Variants in IL1R1 observed in about 807,000 individuals in gnomAD.
IL1R1 encodes interleukin-1 receptor type 1.
Under a neutral mutation model 50.2 loss-of-function variants are expected in IL1R1, and 22 were observed. The observed-to-expected ratio is 0.44, with a 90% confidence interval of 0.31 to 0.63. The LOEUF (loss-of-function observed/expected upper bound fraction) is 0.63, where lower values mean the gene tolerates loss of function less well. Among genes scored for constraint, IL1R1 ranks in the 20% least tolerant of loss-of-function variants. IL1R1 has a pLI of 0.07. For missense variants in IL1R1, 509 were observed against 676.2 expected (o/e 0.75, Z 2.74); for synonymous variants, 251 against 236.7 (o/e 1.06, Z -0.55).
chr2:102,171,849 T>C lies in IL1R1; in HGVS notation c.770T>C (p.Ile257Thr). 1 of 1,610,022 alleles carries C rather than the reference T, an allele frequency of 6.2e-7. No homozygotes were observed. Among genetic ancestry groups the C allele is most frequent in the Non-Finnish European group, 8.5e-7 (1 of 1,177,036 alleles). Residue 257 changes from isoleucine to threonine, a missense_variant, in exon 8 of 12, where the codon ATT (isoleucine) becomes ACT (threonine). Transcript: ENST00000410023. ...AATGTCACCGGCCAGTTGAGTGACA[T>C]TGCTTACTGGAAGTGGAATGGGTCA... ...ICNVTGQLSDIAYWKWNGSVI... is the reference protein window; with the variant it reads ...ICNVTGQLSDTAYWKWNGSVI...
intron 1 of IL1R1, among the ~76,000 whole-genome samples, chr2:102,110,188 T>C (rs958593942): frequency 6.6e-6 from 1 of 152,316 alleles, no homozygotes; most frequent in Admixed American, 6.5e-5. Flanking sequence ...GCACTCATAG[T>C]GTGCACCATT....
chr2:102,169,900 C>G (rs1578031656), intron 7 of IL1R1, among the ~76,000 whole-genome samples: 1 of 152,134 alleles, frequency 6.6e-6, no homozygotes, highest in Non-Finnish European at 1.5e-5. Flanking sequence ...CCACAGTTAT[C>G]TTTTATATTT....
At chr2:102,108,973 AATAATAATAATAAT>A in intron 1 of IL1R1, among the ~76,000 whole-genome samples, 1 of 149,788 alleles carries the variant, frequency 6.7e-6, no homozygotes. Context: ...TAATAATAAT[AATAATAATAATAAT>A]AAAAGCTAAT....
chr2:102,130,468 T>C (rs1312005870), intron 1 of IL1R1, among the ~76,000 whole-genome samples: 1 of 152,162 alleles, frequency 6.6e-6, no homozygotes, highest in Non-Finnish European at 1.5e-5. Context: ...CCTCTTTCCT[T>C]GACAGCTGTT....
At chr2:102,128,355 T>C (rs1681840182) in intron 1 of IL1R1, among the ~76,000 whole-genome samples, 1 of 152,262 alleles carries the variant, frequency 6.6e-6, no homozygotes, top group Admixed American at 6.5e-5. Context: ...TCAATACCTC[T>C]ATGGTATTAC....
At chr2:102,140,051 C>G (rs1392410050), upstream of IL1R1, among the ~76,000 whole-genome samples, 2 of 152,200 alleles carry the variant, frequency 1.3e-5, no homozygotes, top group African/African-American at 4.8e-5. Context: ...CTGGTCAACT[C>G]TGTTCCTTGG....
intron 1 of IL1R1, among the ~76,000 whole-genome samples, chr2:102,084,257 T>C (rs1441404889): frequency 2.6e-5 from 4 of 152,204 alleles, no homozygotes; most frequent in African/African-American, 7.2e-5. Flanking sequence ...CCTCCTTGGT[T>C]CCCAGGAATG....
Position 102,165,120 on chromosome 2 carries a change from C to A in IL1R1, c.302C>A (p.Ser101Ter). ...SGHYYCVVRNSSYCLRIKISA... is the reference protein window; with the variant it reads ...SGHYYCVVRN ...CCTATTTTATTTTATTTTAGAAATT[C>A]ATCTTACTGCCTCAGAATTAAAATA... is the stretch of plus-strand genomic sequence containing the variant. The change falls in exon 5 of 12, where the codon TCA becomes TAA. Residue 101 changes from serine (S) to a stop codon, truncating the protein, a stop_gained. Coordinates refer to ENST00000410023, the MANE Select transcript of IL1R1 (RefSeq NM_000877.4). LOFTEE classifies it high-confidence loss of function. 1 of 1,566,790 alleles carries A rather than the reference C, an allele frequency of 6.4e-7. No homozygotes were observed. The highest frequency in any genetic ancestry group is 8.6e-7 in the Non-Finnish European group (1 of 1,159,614).
At chr2:102,080,224 T>C (rs1679146682) in intron 1 of IL1R1, among the ~76,000 whole-genome samples, 1 of 152,192 alleles carries the variant, frequency 6.6e-6, no homozygotes, top group South Asian at 2.1e-4. Flanking sequence ...AACAACAAAA[T>C]AGATAATTGC....
intron 1 of IL1R1, among the ~76,000 whole-genome samples, chr2:102,093,413 T>C (rs1336868661): frequency 6.6e-6 from 1 of 152,208 alleles, no homozygotes; most frequent in African/African-American, 2.4e-5. Context: ...TTGGGGAAAA[T>C]GTAAATTTGT....
At chr2:102,118,286 A>G (rs1010307166) in intron 1 of IL1R1, among the ~76,000 whole-genome samples, 1 of 152,158 alleles carries the variant, frequency 6.6e-6, no homozygotes, top group Admixed American at 6.5e-5. Context: ...GAACATGTGG[A>G]GGGTAGCCCA....
chr2:102,167,981 T>C (rs1005306758), intron 6 of IL1R1, among the ~76,000 whole-genome samples: 1 of 152,168 alleles, frequency 6.6e-6, no homozygotes, highest in Non-Finnish European at 1.5e-5. Flanking sequence ...CCTACCTTCA[T>C]GGTGTTCACT....
intron 1 of IL1R1, among the ~76,000 whole-genome samples, chr2:102,089,671 AC>A (rs2104307947): frequency 6.6e-6 from 1 of 152,268 alleles, no homozygotes; most frequent in African/African-American, 2.4e-5. Context: ...GTCTGTTTGT[AC>A]CTCGTTGTCT....
chr2:102,162,128 G>A (rs887490445), intron 3 of IL1R1, among the ~76,000 whole-genome samples: 3 of 152,196 alleles, frequency 2.0e-5, no homozygotes, highest in East Asian at 1.9e-4. Context: ...TGACAAAATC[G>A]TGTATATTTA....
upstream of IL1R1, among the ~76,000 whole-genome samples, chr2:102,103,668 G>A (rs144515060): frequency 2.6e-5 from 4 of 151,978 alleles, no homozygotes; most frequent in African/African-American, 7.3e-5. Flanking sequence ...AATGTTCATC[G>A]GAGTGCAGAG....
intron 1 of IL1R1, among the ~76,000 whole-genome samples, chr2:102,074,393 C>T (rs1432771267): frequency 6.6e-6 from 1 of 152,222 alleles, no homozygotes; most frequent in Non-Finnish European, 1.5e-5. Flanking sequence ...GCTGTGATGA[C>T]TGGGCCTATC....
chr2:102,125,600 G>T (rs546416577), intron 1 of IL1R1, among the ~76,000 whole-genome samples: 33 of 152,202 alleles, frequency 2.2e-4, no homozygotes, highest in Non-Finnish European at 3.4e-4. Context: ...AGAAAGTTGG[G>T]CCTTGTTAGG....
intron 1 of IL1R1, among the ~76,000 whole-genome samples, chr2:102,112,193 A>G (rs1332479806): frequency 6.6e-6 from 1 of 151,954 alleles, no homozygotes; most frequent in Non-Finnish European, 1.5e-5. Flanking sequence ...AGGTGCTTCC[A>G]TTGTGTGAAG....
At chr2:102,090,558 C>T (rs1679621796) in intron 1 of IL1R1, among the ~76,000 whole-genome samples, 1 of 152,178 alleles carries the variant, frequency 6.6e-6, no homozygotes, top group South Asian at 2.1e-4. Context: ...ATTTGCAAAA[C>T]CTGTGGTCTG....
Sources: allele counts gnomAD v4.1 joint callset (sites outside exome capture counted in the v4.1 genomes callset), GRCh38; gene constraint gnomAD v4.1.1; transcripts MANE v1.5; gene names NCBI Gene and HGNC (gene_info 2026-07-23, HGNC 2026-07-21).